Variants in CSRNP3 observed in about 807,000 individuals in gnomAD.
The protein encoded by CSRNP3 is cysteine/serine-rich nuclear protein 3.
Under a neutral mutation model 48.0 loss-of-function variants are expected in CSRNP3, and 12 were observed. That is an observed-to-expected ratio of 0.25 (90% CI 0.16 to 0.41). CSRNP3 has a LOEUF of 0.41. Among genes scored for constraint, CSRNP3 ranks in the 10% least tolerant of loss-of-function variants. The pLI is 1.00. For synonymous variants in CSRNP3, 263 were observed against 269.7 expected (o/e 0.98, Z 0.24); for missense variants, 580 against 724.4 (o/e 0.80, Z 2.29).
At chr2:165,507,180 G>A (rs1684437937) in intron 2 of CSRNP3, among the ~76,000 whole-genome samples, 1 of 151,936 alleles carries the variant, frequency 6.6e-6, no homozygotes, top group African/African-American at 2.4e-5. Flanking sequence ...CTAATATATT[G>A]AGGATATGTT....
rs367832445 is a variant in CSRNP3, at chr2:165,673,155, T to TTTTTTTTTC, written c.409-3157_409-3156insTTTTTTTTC. Among the ~76,000 whole-genome samples, 9 of 144,098 alleles carry TTTTTTTTTC rather than the reference T, an allele frequency of 6.2e-5. 1 individual carries two copies. The highest frequency in any genetic ancestry group is 2.4e-4 in the African/African-American group (9 of 37,536). The allele number at this position is 144,098 out of a possible 152,430, so 94.5% of individuals were successfully genotyped here. A position where few individuals can be genotyped will look rare whatever the true frequency, so the allele number is the denominator to read the frequency against. On this transcript the variant is annotated intron_variant, in intron 5 of 6. Transcript: ENST00000651982. ...TCTTTTTTTTTTTTTTTTTTTTTTT[T>TTTTTTTTTC]GAGACAGGGCATCACTCTGTCACTC...
chr2:165,548,432 G>A (rs998743323), intron 3 of CSRNP3, among the ~76,000 whole-genome samples: 1 of 152,028 alleles, frequency 6.6e-6, no homozygotes, highest in African/African-American at 2.4e-5. Context: ...ACATGGGAAA[G>A]TATCCAGTAA....
At chr2:165,610,851 CAT>C (rs1403074767) in intron 4 of CSRNP3, among the ~76,000 whole-genome samples, 3 of 147,932 alleles carry the variant, frequency 2.0e-5, no homozygotes, top group Admixed American at 6.7e-5. Flanking sequence ...GTAATGGAAA[CAT>C]GTGAGAGCTT....
At position 165,632,817 on chromosome 2, in the gene CSRNP3, C is replaced by T. The variant is rs192125619; in HGVS notation, c.149-24944C>T. ...GCATTATCAAGTTGAGTTGAAACAA[C>T]ATGGGCTACATGACTTACCAGCTAT... On this transcript the variant is annotated intron_variant, in intron 4 of 6. Coordinates refer to ENST00000651982, the MANE Select transcript of CSRNP3 (RefSeq NM_001172173.2). 7.2e-5 allele frequency among the ~76,000 whole-genome samples: 11 copies of T among 152,280 alleles called. No individual in the cohort carries two copies. The East Asian group carries it at 1.7e-3, about 24-fold the overall frequency.
chr2:165,513,721 A>G, intron 2 of CSRNP3, among the ~76,000 whole-genome samples: 1 of 152,202 alleles, frequency 6.6e-6, no homozygotes, highest in East Asian at 1.9e-4. Flanking sequence ...TACTGAAGAT[A>G]CCCTTTTAGA....
In CSRNP3 at chr2:165,495,107, T is replaced by G. The variant is rs73969258; in HGVS notation, c.-113+179T>G. On this transcript the variant is annotated intron_variant, in intron 2 of 6. Transcript: ENST00000651982. Reference sequence around the variant, plus strand: ...AACTTCAGCAGTATACTTCTTCTCATTTCTATGGAGTGAGTATGTAGGAGG... The same window carrying G: ...AACTTCAGCAGTATACTTCTTCTCAGTTCTATGGAGTGAGTATGTAGGAGG... Among the ~76,000 whole-genome samples, 1,459 of 152,188 alleles carry G rather than the reference T, an allele frequency of 9.6e-3. 28 individuals carry two copies. Among genetic ancestry groups the G allele is most frequent in the African/African-American group, 0.033 (1,391 of 41,538 alleles).
At chr2:165,534,434 C>A (rs1426774930) in intron 3 of CSRNP3, among the ~76,000 whole-genome samples, 2 of 151,800 alleles carry the variant, frequency 1.3e-5, no homozygotes, top group Non-Finnish European at 2.9e-5. Flanking sequence ...CATGTAAATT[C>A]TTTACAATAC....
intron 3 of CSRNP3, among the ~76,000 whole-genome samples, chr2:165,536,365 T>C (rs1574826988): frequency 6.6e-6 from 1 of 151,910 alleles, no homozygotes; most frequent in African/African-American, 2.4e-5. Flanking sequence ...GGTTTTTATT[T>C]CTTTCCTAAG....
At position 165,678,993 on chromosome 2, in the gene CSRNP3, C is replaced by A. The variant is rs1218327616; in HGVS notation, c.998C>A (p.Ala333Asp). 4 of 1,613,904 alleles carry A rather than the reference C, an allele frequency of 2.5e-6. No homozygotes were observed. The East Asian group carries it at 8.9e-5, about 36-fold the overall frequency. The stretch of plus-strand genomic sequence containing the variant: ...GCTGCAGTGCTGCACCTGCAGTCGG[C>A]TGAAGAATTAGATTGCCAAGGAGAG... ...PQAAVLHLQSAEELDCQGEEE... is the reference protein window; with the variant it reads ...PQAAVLHLQSDEELDCQGEEE... The change falls in exon 7 of 7, where the codon GCT becomes GAT. Residue 333 changes from alanine (A) to aspartate (D), a missense_variant. Ala to Asp is a moderately radical substitution (Grantham distance 126). This residue lies in a region of CSRNP3 where 369 missense variants were observed against 380.8 expected (regional missense o/e 0.97). Coordinates refer to ENST00000651982, the MANE Select transcript of CSRNP3 (RefSeq NM_001172173.2).
chr2:165,473,281 A>G (rs994983524), intron 1 of CSRNP3, among the ~76,000 whole-genome samples: 1 of 152,122 alleles, frequency 6.6e-6, no homozygotes, highest in Non-Finnish European at 1.5e-5. Context: ...AAAATATACT[A>G]AAGAAAACAA....
intron 4 of CSRNP3, among the ~76,000 whole-genome samples, chr2:165,605,588 T>C (rs1685996412): frequency 6.6e-6 from 1 of 152,172 alleles, no homozygotes; most frequent in South Asian, 2.1e-4. Flanking sequence ...TTTACATTCA[T>C]ATATAATTAA....
chr2:165,513,122 G>C (rs1044001556), intron 2 of CSRNP3, among the ~76,000 whole-genome samples: 1 of 151,940 alleles, frequency 6.6e-6, no homozygotes, highest in Non-Finnish European at 1.5e-5. Context: ...AAAAAAAATA[G>C]GGTCAACTCT....
At chr2:165,520,777 TA>T (rs1558923497) in intron 3 of CSRNP3, among the ~76,000 whole-genome samples, 3 of 13,002 alleles carry the variant, frequency 2.3e-4, no homozygotes, top group Non-Finnish European at 3.5e-4. Flanking sequence ...ATATTATATA[TA>T]TATATTATAT....
At chr2:165,661,096 TG>T (rs749780467) in intron 5 of CSRNP3, among the ~76,000 whole-genome samples, 5 of 152,166 alleles carry the variant, frequency 3.3e-5, no homozygotes, top group Non-Finnish European at 7.4e-5. Flanking sequence ...AAAATATTAT[TG>T]ACTGTGGTTT....
At chr2:165,520,437 A>G (rs544757581) in intron 3 of CSRNP3, among the ~76,000 whole-genome samples, 2 of 152,260 alleles carry the variant, frequency 1.3e-5, no homozygotes, top group South Asian at 4.1e-4. Context: ...CCGATTTTGT[A>G]TGCTGAAAAA....
chr2:165,606,264 G>T (rs991815821), intron 4 of CSRNP3, among the ~76,000 whole-genome samples: 5 of 141,866 alleles, frequency 3.5e-5, no homozygotes, highest in African/African-American at 1.3e-4. Context: ...AAAGTGAAAA[G>T]ACAAGCTACA....
At chr2:165,594,090 T>G (rs566263212) in intron 3 of CSRNP3, among the ~76,000 whole-genome samples, 1 of 152,220 alleles carries the variant, frequency 6.6e-6, no homozygotes, top group Non-Finnish European at 1.5e-5. Flanking sequence ...TACCTCATTA[T>G]GTAGATACAA....
chr2:165,631,093 A>T (rs1239733211), intron 4 of CSRNP3, among the ~76,000 whole-genome samples: 1 of 152,250 alleles, frequency 6.6e-6, no homozygotes, highest in Non-Finnish European at 1.5e-5. Context: ...ATTCTGAGCC[A>T]GATAACTTCC....
intron 4 of CSRNP3, among the ~76,000 whole-genome samples, chr2:165,656,552 A>T (rs13000326): frequency 0.048 from 7,344 of 152,268 alleles, 251 homozygotes; most frequent in Non-Finnish European, 0.071. Context: ...CAATTAAAAA[A>T]ATAAGAAGAA....
Sources: allele counts gnomAD v4.1 joint callset (sites outside exome capture counted in the v4.1 genomes callset), GRCh38; gene constraint gnomAD v4.1.1; regional missense constraint gnomAD v4.1.1; transcripts MANE v1.5; gene names NCBI Gene and HGNC (gene_info 2026-07-23, HGNC 2026-07-21).